The following NR3C2 variants were observed in gnomAD, a reference collection of about 807,000 sequenced individuals.
NR3C2 encodes nuclear receptor subfamily 3 group C member 2.
NR3C2 carries 15 observed loss-of-function variants against 86.4 expected under a neutral mutation model. That is an observed-to-expected ratio of 0.17 (90% CI 0.12 to 0.27). The LOEUF (loss-of-function observed/expected upper bound fraction) is 0.27. Ranked by LOEUF, NR3C2 falls within the 10% of genes least tolerant of loss-of-function variation. The probability of loss-of-function intolerance (pLI) is 1.00; values close to 1 mark genes in which losing one functional copy is unlikely to be tolerated. For missense variants in NR3C2, 960 were observed against 1,195.6 expected (o/e 0.80, Z 2.91); for synonymous variants, 458 against 450.5 (o/e 1.02, Z -0.21).
intron 2 of NR3C2, among the ~76,000 whole-genome samples, chr4:148,410,465 T>A (rs1410825582): frequency 6.6e-6 from 1 of 152,224 alleles, no homozygotes; most frequent in African/African-American, 2.4e-5. Context: ...CCCCTTTAGA[T>A]AAGCAATAAC....
At chr4:148,211,630 A>AG (rs1737289547) in intron 3 of NR3C2, among the ~76,000 whole-genome samples, 1 of 152,226 alleles carries the variant, frequency 6.6e-6, no homozygotes, top group Admixed American at 6.5e-5. Context: ...TTAAAGAAAG[A>AG]GGGAGTTTGG....
intron 2 of NR3C2, among the ~76,000 whole-genome samples, chr4:148,409,535 ATGGACCTTTCCTT>A (rs1748591871): frequency 1.3e-5 from 2 of 152,130 alleles, no homozygotes; most frequent in Admixed American, 1.3e-4. Context: ...ACCTTTTCTG[ATGGACCTTTCCTT>A]AGGTGACAGA....
chr4:148,203,196 C>A (rs977603159), intron 3 of NR3C2, among the ~76,000 whole-genome samples: 5 of 151,964 alleles, frequency 3.3e-5, no homozygotes, highest in Non-Finnish European at 7.4e-5. Context: ...TGTTGCTGTT[C>A]ATTCAAACAT....
intron 6 of NR3C2, among the ~76,000 whole-genome samples, chr4:148,131,402 T>G (rs1733038901): frequency 6.6e-6 from 1 of 152,178 alleles, no homozygotes; most frequent in African/African-American, 2.4e-5. Context: ...GCTTATTATA[T>G]TCCTAAAAAC....
intron 6 of NR3C2, among the ~76,000 whole-genome samples, chr4:148,134,731 C>T (rs1385503533): frequency 6.7e-6 from 1 of 148,688 alleles, no homozygotes; most frequent in African/African-American, 2.5e-5. Flanking sequence ...TCACTGCAAC[C>T]TGTGCCTCCC....
upstream of NR3C2, chr4:148,442,715 A>G (rs1406194066): frequency 2.9e-5 from 29 of 985,226 alleles, no homozygotes; most frequent in Non-Finnish European, 3.4e-5. Context: ...TGGACTCGGC[A>G]GCTTCCTTAA....
At chr4:148,314,354 A>G (rs897336724) in intron 2 of NR3C2, among the ~76,000 whole-genome samples, 1 of 152,166 alleles carries the variant, frequency 6.6e-6, no homozygotes, top group African/African-American at 2.4e-5. Flanking sequence ...TTTTAGATAT[A>G]TAACTATGCT....
chr4:148,371,799 A>G (rs1040661577), intron 2 of NR3C2, among the ~76,000 whole-genome samples: 5 of 152,188 alleles, frequency 3.3e-5, no homozygotes, highest in African/African-American at 1.2e-4. Flanking sequence ...AAAATTATAT[A>G]TATTACACAC....
At chr4:148,312,690 AAAT>A (rs1373941678) in intron 2 of NR3C2, among the ~76,000 whole-genome samples, 1 of 152,206 alleles carries the variant, frequency 6.6e-6, no homozygotes, top group East Asian at 1.9e-4. Context: ...TCTCCCTGTT[AAAT>A]AATGTCACAT....
chr4:148,167,601 T>C (rs1334259636), intron 4 of NR3C2, among the ~76,000 whole-genome samples: 2 of 152,236 alleles, frequency 1.3e-5, no homozygotes, highest in Non-Finnish European at 2.9e-5. Context: ...AGTATTACGC[T>C]TAGAACTTAT....
At chr4:148,311,103 T>C (rs1157119332) in intron 2 of NR3C2, among the ~76,000 whole-genome samples, 5 of 152,206 alleles carry the variant, frequency 3.3e-5, no homozygotes, top group Admixed American at 6.5e-5. Flanking sequence ...GTTTCCCTTC[T>C]AACACCTGGG....
intron 3 of NR3C2, chr4:148,208,570 C>G (rs1455788206): frequency 1.3e-5 from 2 of 152,454 alleles, no homozygotes; most frequent in East Asian, 3.9e-4. Flanking sequence ...AAGACTGGGG[C>G]TCTGACACCT....
At chr4:148,093,452 CAT>C (rs1731147567) in intron 8 of NR3C2, among the ~76,000 whole-genome samples, 1 of 152,228 alleles carries the variant, frequency 6.6e-6, no homozygotes, top group African/African-American at 2.4e-5. Flanking sequence ...GTAGGTCCCA[CAT>C]GACTTCAATA....
In NR3C2 at chr4:148,080,730, T is replaced by C. The variant is rs1464887094; in HGVS notation, c.*614A>G. On this transcript the variant is annotated 3_prime_UTR_variant, in exon 9 of 9. Transcript: ENST00000358102. Reference sequence around the variant, plus strand: ...AAGGCATTTAACATCATCTTATCCATTCTAATTAAATAAGAAATGGACGCT... The same window carrying C: ...AAGGCATTTAACATCATCTTATCCACTCTAATTAAATAAGAAATGGACGCT... 1.5e-5 allele frequency: 5 copies of C among 340,358 alleles called. No homozygotes were observed. The allele number at this position is 340,358 out of a possible 1,614,324, so 21.1% of individuals were successfully genotyped here.
chr4:148,230,248 C>A (rs1738390443), intron 3 of NR3C2, among the ~76,000 whole-genome samples: 1 of 152,168 alleles, frequency 6.6e-6, no homozygotes, highest in African/African-American at 2.4e-5. Flanking sequence ...GGCTGGAGTG[C>A]AGTGGTGTGA....
chr4:148,378,729 C>T (rs1248063098), intron 2 of NR3C2, among the ~76,000 whole-genome samples: 1 of 152,202 alleles, frequency 6.6e-6, no homozygotes, highest in Non-Finnish European at 1.5e-5. Flanking sequence ...GTCATGCTTC[C>T]TATGCAGCCT....
chr4:148,239,019 A>G (rs1300689952), intron 3 of NR3C2, among the ~76,000 whole-genome samples: 1 of 152,208 alleles, frequency 6.6e-6, no homozygotes, highest in African/African-American at 2.4e-5. Flanking sequence ...GACAGATGGG[A>G]GAGGCTGGTA....
chr4:148,332,281 C>T (rs1744266943), intron 2 of NR3C2, among the ~76,000 whole-genome samples: 1 of 152,126 alleles, frequency 6.6e-6, no homozygotes, highest in African/African-American at 2.4e-5. Flanking sequence ...AACTACATCA[C>T]TTTTTTGCCT....
chr4:148,215,352 G>A (rs1737477995), intron 3 of NR3C2, among the ~76,000 whole-genome samples: 1 of 152,182 alleles, frequency 6.6e-6, no homozygotes, highest in African/African-American at 2.4e-5. Context: ...AAATGCCCTT[G>A]AGGCGTTTAT....
Sources: gnomAD v4.1 joint callset for allele counts (sites outside exome capture counted in the v4.1 genomes callset) on GRCh38, gnomAD v4.1.1 for gene constraint, MANE v1.5 for transcripts, NCBI Gene and HGNC (gene_info 2026-07-23, HGNC 2026-07-21) for gene names.